PTPN22: variants seen among roughly 807,000 people sequenced by gnomAD.
PTPN22 encodes the protein tyrosine-protein phosphatase non-receptor type 22.
In PTPN22, 85 loss-of-function variants were observed where a neutral mutation model predicts 103.3. The ratio of observed to expected loss-of-function variants is 0.82; its 90% CI spans 0.69 to 0.99. The LOEUF is 0.99. Ranked by LOEUF, PTPN22 falls within the 50% of genes least tolerant of loss-of-function variation. The probability of loss-of-function intolerance (pLI) is 0.00; values close to 1 mark genes in which losing one functional copy is unlikely to be tolerated. For synonymous variants in PTPN22, 323 were observed against 310.2 expected (o/e 1.04, Z -0.43); for missense variants, 865 against 936.9 (o/e 0.92, Z 1.00).
intron 11 of PTPN22, among the ~76,000 whole-genome samples, chr1:113,840,226 A>G (rs1010028946): frequency 6.6e-6 from 1 of 151,876 alleles, no homozygotes; most frequent in African/African-American, 2.4e-5. Flanking sequence ...CATCTCAAAA[A>G]AAAAAAAAAA....
chr1:113,841,396 C>G (rs1181930606), intron 11 of PTPN22, among the ~76,000 whole-genome samples: 1 of 152,082 alleles, frequency 6.6e-6, no homozygotes, highest in African/African-American at 2.4e-5. Flanking sequence ...GGATAGGACA[C>G]CAAAGGCACA....
At chr1:113,833,080 A>G in intron 16 of PTPN22, 31 bp downstream of exon 16, 1 of 1,546,252 alleles carries the variant, frequency 6.5e-7, no homozygotes, top group Non-Finnish European at 8.9e-7. Context: ...CTTAGGGCTA[A>G]ATGTCATCTA....
intron 11 of PTPN22, among the ~76,000 whole-genome samples, chr1:113,839,464 A>G (rs983860710): frequency 2.0e-5 from 3 of 151,550 alleles, no homozygotes; most frequent in African/African-American, 7.3e-5. Flanking sequence ...AACATGGCTC[A>G]CTGCGGTGTT....
chr1:113,856,552 G>C (rs370676330), exon 6 of PTPN22: 1 of 1,614,014 alleles, frequency 6.2e-7, no homozygotes, highest in East Asian at 2.2e-5. Context: ...ACTTACACAG[G>C]ATACAGAGAA....
At position 113,829,929 on chromosome 1, in the gene PTPN22, G is replaced by C; in HGVS notation, c.2134+20C>G. 1 of 1,557,202 alleles carries C rather than the reference G, an allele frequency of 6.4e-7. No homozygotes were observed. The highest frequency in any genetic ancestry group is 8.9e-7 in the Non-Finnish European group (1 of 1,129,380). On this transcript the variant is annotated intron_variant, in intron 17 of 20. Coordinates refer to ENST00000359785, the Ensembl canonical transcript of PTPN22. ...ATTTTCATTTTTATGATTTTTTTGA[G>C]AGAAAGTGCTACCACTTACAATCTT... is the stretch of plus-strand genomic sequence containing the variant.
rs759630104 is a variant in PTPN22, at chr1:113,857,782, G to A, written c.370-6C>T. ...ATGCATGCCATAACAATGATCTGGG[G>A]GATGAAATAGATAGAAACTTAAACA... On this transcript the variant is annotated splice_polypyrimidine_tract_variant and splice_region_variant and intron_variant, in intron 4 of 20. Transcript: ENST00000359785. The A allele has an allele frequency of 1.9e-6, 3 of 1,606,746 alleles. No individual in the cohort carries two copies. The highest frequency in any genetic ancestry group is 2.6e-6 in the Non-Finnish European group (3 of 1,175,882).
At chr1:113,851,795 A>G (rs2102063905) in intron 10 of PTPN22, among the ~76,000 whole-genome samples, 1 of 152,338 alleles carries the variant, frequency 6.6e-6, no homozygotes. Flanking sequence ...TGGTATCTTA[A>G]TATTTTCTGA....
intron 18 of PTPN22, among the ~76,000 whole-genome samples, chr1:113,826,676 T>TA (rs1294055924): frequency 7.4e-5 from 10 of 134,744 alleles, no homozygotes; most frequent in African/African-American, 2.8e-4. Context: ...TTTTTTTTTT[T>TA]TTTTTTTTTT....
At chr1:113,835,046 G>A in intron 13 of PTPN22, 53 bp from the exon 14 acceptor site, 1 of 1,079,014 alleles carries the variant, frequency 9.3e-7, no homozygotes, top group African/African-American at 1.7e-5. Context: ...ACAATCCAAA[G>A]GAAATTCTTA....
intron 5 of PTPN22, among the ~76,000 whole-genome samples, chr1:113,857,017 C>T (rs908635198): frequency 1.3e-5 from 2 of 151,976 alleles, no homozygotes; most frequent in Admixed American, 6.6e-5. Flanking sequence ...ATGTGAACCA[C>T]AAATGTAATT....
intron 11 of PTPN22, among the ~76,000 whole-genome samples, chr1:113,840,077 G>C (rs1663410526): frequency 6.6e-6 from 1 of 151,986 alleles, no homozygotes; most frequent in East Asian, 1.9e-4. Flanking sequence ...CCGGGCATGT[G>C]GTGCACACCT....
At chr1:113,825,231 C>A in intron 18 of PTPN22, 59 bp from the exon 19 acceptor site, 1 of 1,066,884 alleles carries the variant, frequency 9.4e-7, no homozygotes, top group South Asian at 1.6e-5. Context: ...ATACTTTAAT[C>A]AAATAGAAAT....
intron 10 of PTPN22, among the ~76,000 whole-genome samples, chr1:113,850,733 CTTTA>C (rs966479851): frequency 6.6e-6 from 1 of 152,176 alleles, no homozygotes; most frequent in Non-Finnish European, 1.5e-5. Flanking sequence ...TATAATAGCT[CTTTA>C]TTTTATCCCT....
At chr1:113,859,866 C>T (rs978030777) in intron 1 of PTPN22, among the ~76,000 whole-genome samples, 1 of 151,606 alleles carries the variant, frequency 6.6e-6, no homozygotes, top group Admixed American at 6.6e-5. Context: ...TACTTCAGAT[C>T]GCTTTTTTTT....
intron 19 of PTPN22, 150 bp from the exon 20 acceptor site, chr1:113,819,804 G>C (rs569840133): frequency 2.2e-6 from 1 of 449,394 alleles, no homozygotes; most frequent in Non-Finnish European, 3.8e-6. Context: ...GCTTACAAAT[G>C]GGTTGACACT....
intron 10 of PTPN22, 84 bp downstream of exon 10, chr1:113,851,943 G>A (rs1317052615): frequency 2.1e-6 from 2 of 974,464 alleles, no homozygotes; most frequent in Non-Finnish European, 3.1e-6. Context: ...TATCTGAGCA[G>A]TCAGCTGTTT....
chr1:113,837,493 G>A, intron 13 of PTPN22, 97 bp downstream of exon 13: 10 of 792,846 alleles, frequency 1.3e-5, no homozygotes, highest in South Asian at 6.4e-5. Context: ...AGAAAGAGAA[G>A]AAGCAGAGGA....
chr1:113,864,516 T>C (rs1665942199), intron 1 of PTPN22: 1 of 244,916 alleles, frequency 4.1e-6, no homozygotes, highest in Admixed American at 5.4e-5. Flanking sequence ...ATCTCAACAC[T>C]TTGGGAGGCT....
intron 19 of PTPN22, among the ~76,000 whole-genome samples, chr1:113,821,371 G>A (rs917194879): frequency 6.6e-6 from 1 of 151,988 alleles, no homozygotes; most frequent in African/African-American, 2.4e-5. Flanking sequence ...GCCCAGGCTG[G>A]AGTGCAATGG....
Sources: allele counts gnomAD v4.1 joint callset (sites outside exome capture counted in the v4.1 genomes callset), GRCh38; gene constraint gnomAD v4.1.1; transcripts MANE v1.5; gene names NCBI Gene and HGNC (gene_info 2026-07-23, HGNC 2026-07-21).